XPO4: variants seen among roughly 807,000 people sequenced by gnomAD.
XPO4 encodes exportin-4.
XPO4 carries 39 observed loss-of-function variants against 143.0 expected under a neutral mutation model. The ratio of observed to expected loss-of-function variants is 0.27; its 90% CI spans 0.21 to 0.36. XPO4 has a LOEUF of 0.36. Ranked by LOEUF, XPO4 falls within the 10% of genes least tolerant of loss-of-function variation. The pLI is 1.00. For missense variants in XPO4, 907 were observed against 1,348.0 expected, an observed-to-expected ratio of 0.67 and a Z score of 5.12; for synonymous variants, 439 against 474.0, an observed-to-expected ratio of 0.93 and a Z score of 0.96.
At chr13:20,806,462 T>C (rs1250773854) in intron 13 of XPO4, among the ~76,000 whole-genome samples, 1 of 151,206 alleles carries the variant, frequency 6.6e-6, no homozygotes, top group Non-Finnish European at 1.5e-5. Flanking sequence ...CTGACATCTC[T>C]GCTTGCAACC....
At chr13:20,894,834 A>C (rs1233596978) in intron 1 of XPO4, among the ~76,000 whole-genome samples, 4 of 148,076 alleles carry the variant, frequency 2.7e-5, no homozygotes, top group African/African-American at 9.9e-5. Flanking sequence ...ACAAGAGTGA[A>C]ACTTCATCTC....
intron 9 of XPO4, among the ~76,000 whole-genome samples, chr13:20,811,297 T>A (rs2059578929): frequency 6.6e-6 from 1 of 150,968 alleles, no homozygotes; most frequent in South Asian, 2.1e-4. Flanking sequence ...TCTTTTTTTT[T>A]TTTTTTTTGA....
At chr13:20,880,004 A>G (rs2060391789) in intron 1 of XPO4, among the ~76,000 whole-genome samples, 1 of 152,258 alleles carries the variant, frequency 6.6e-6, no homozygotes, top group South Asian at 2.1e-4. Flanking sequence ...AATACAAATC[A>G]AAACTGCAAG....
chr13:20,783,515 G>A lies in XPO4; in HGVS notation c.*207C>T. On this transcript the variant is annotated 3_prime_UTR_variant, in exon 23 of 23. Coordinates refer to ENST00000255305, the MANE Select transcript of XPO4 (RefSeq NM_022459.5). ...TTCAGAATCTAAAAGACATATATAT[G>A]ACAGATTGTGGCTAACACTTAACAG... is the stretch of plus-strand genomic sequence containing the variant. 2 of 593,986 alleles carry A rather than the reference G, an allele frequency of 3.4e-6. No individual in the cohort carries two copies. The highest frequency in any genetic ancestry group is 2.1e-5 in the South Asian group (1 of 48,478). 36.8% of individuals were successfully genotyped at this position (593,986 alleles called of 1,614,324 possible). A position where few individuals can be genotyped will look rare whatever the true frequency, so the allele number is the denominator to read the frequency against.
At chr13:20,891,513 A>G (rs1024678243) in intron 1 of XPO4, among the ~76,000 whole-genome samples, 2 of 152,148 alleles carry the variant, frequency 1.3e-5, no homozygotes, top group African/African-American at 2.4e-5. Flanking sequence ...AAATCATTTT[A>G]TCTTTGCACT....
chr13:20,890,191 G>A (rs1390244867), intron 1 of XPO4, among the ~76,000 whole-genome samples: 21 of 152,144 alleles, frequency 1.4e-4, no homozygotes, highest in Admixed American at 9.8e-4. Flanking sequence ...GCTTATGCCC[G>A]TCATCCCAGC....
intron 6 of XPO4, among the ~76,000 whole-genome samples, chr13:20,841,692 A>G (rs1291636921): frequency 6.6e-6 from 1 of 152,092 alleles, no homozygotes; most frequent in Non-Finnish European, 1.5e-5. Context: ...GAATAGACTA[A>G]GTTTAAATGG....
intron 19 of XPO4, 58 bp from the exon 20 acceptor site, chr13:20,788,674 T>C: frequency 6.9e-7 from 1 of 1,446,964 alleles, no homozygotes; most frequent in Admixed American, 2.4e-5. Flanking sequence ...TCTATTTTCA[T>C]CAATGCAATA....
chr13:20,826,158 C>T (rs1257619324), intron 7 of XPO4, among the ~76,000 whole-genome samples: 1 of 152,202 alleles, frequency 6.6e-6, no homozygotes, highest in Admixed American at 6.5e-5. Context: ...TAAACACACA[C>T]ATATGAATTG....
At position 20,843,868 on chromosome 13, in the gene XPO4, T is replaced by C; in HGVS notation, c.475A>G (p.Ile159Val). 1 of 1,612,854 alleles carries C rather than the reference T, an allele frequency of 6.2e-7. No individual in the cohort carries two copies. The highest frequency in any genetic ancestry group is 8.5e-7 in the Non-Finnish European group (1 of 1,179,480). Residue 159 changes from isoleucine (I) to valine (V), a missense_variant, in exon 5 of 23, where the codon ATT (isoleucine) becomes GTT (valine). By Grantham distance (29) the Ile-to-Val change is conservative. Transcript: ENST00000255305. ...NPTVQTLACS[I>V]LTALLSEFSS... ...AATTCACTCAATAGCGCAGTCAGAA[T>C]AGAACAGGCCAGAGTTTGCTGTAAT...
At chr13:20,793,102 T>C (rs967738264) in intron 18 of XPO4, among the ~76,000 whole-genome samples, 2 of 152,232 alleles carry the variant, frequency 1.3e-5, no homozygotes, top group Admixed American at 1.3e-4. Context: ...GTTATGCTTT[T>C]AATATCTCAC....
intron 13 of XPO4, among the ~76,000 whole-genome samples, chr13:20,802,011 T>A (rs1174879710): frequency 2.0e-5 from 3 of 152,150 alleles, no homozygotes; most frequent in African/African-American, 7.2e-5. Flanking sequence ...CTCCTGAACT[T>A]CTTCTTTAAA....
rs955068619 is a variant in XPO4 at position 20,851,333 on chromosome 13, C to T, written c.456+4294G>A. The T allele has an allele frequency of 4.1e-6, 4 of 985,332 alleles. No homozygotes were observed. The South Asian group carries it at 1.9e-4, about 46-fold the overall frequency. The allele number at this position is 985,332 out of a possible 1,614,324, so 61.0% of individuals were successfully genotyped here. The stretch of plus-strand genomic sequence containing the variant: ...TTAATGTAGTCACCAAAATAAATTT[C>T]ATCCTGCAATCCTGAAATTAAATTC... On this transcript the variant is annotated intron_variant, in intron 4 of 22. Transcript: ENST00000255305.
intron 6 of XPO4, among the ~76,000 whole-genome samples, chr13:20,838,656 C>T (rs914321330): frequency 7.3e-5 from 11 of 149,888 alleles, no homozygotes; most frequent in Non-Finnish European, 1.5e-4. Context: ...TGGTCTTGTT[C>T]TGTTGCCCAG....
chr13:20,873,863 T>C (rs1008028281), intron 1 of XPO4, among the ~76,000 whole-genome samples: 6 of 152,218 alleles, frequency 3.9e-5, no homozygotes, highest in Non-Finnish European at 8.8e-5. Context: ...TGTAACTTTT[T>C]TACTACTATT....
Position 20,800,206 on chromosome 13 carries a change from A to G in XPO4, c.2097T>C (p.Leu699=), listed in dbSNP as rs748366207. 16 of 1,614,042 alleles carry G rather than the reference A, an allele frequency of 9.9e-6. No homozygotes were observed. The highest frequency in any genetic ancestry group is 8.3e-5 in the Admixed American group (5 of 59,994). ...CAAGGAGCTGCACAGTGTCATTTGC[A>G]AGGTCCTGCTCACTACTCCAGACTG... ...NLSVWSSEQD[L]ANDTVQLLVT... The change falls in exon 15 of 23, where the codon CTT becomes CTC. Residue 699 remains leucine, a synonymous_variant. Transcript: ENST00000255305.
chr13:20,874,985 C>T (rs180721579), intron 1 of XPO4, among the ~76,000 whole-genome samples: 272 of 137,212 alleles, frequency 2.0e-3, no homozygotes, highest in African/African-American at 5.9e-3. Context: ...CAAAGTGAGA[C>T]TCCGTCTCAA....
chr13:20,875,011 C>A (rs2060338372), intron 1 of XPO4, among the ~76,000 whole-genome samples: 1 of 151,858 alleles, frequency 6.6e-6, no homozygotes, highest in South Asian at 2.1e-4. Context: ...AAATTCTGTT[C>A]TTTATAAATT....
Position 20,779,973 on chromosome 13 carries a change from A to G in XPO4, c.*3749T>C, listed in dbSNP as rs928418316. The G allele has an allele frequency of 2.0e-5, 3 of 152,276 alleles. No individual in the cohort carries two copies. The highest frequency in any genetic ancestry group is 6.5e-5 in the Admixed American group (1 of 15,290). The allele number at this position is 152,276 out of a possible 1,614,324, so 9.4% of individuals were successfully genotyped here. ...TTCTTAAATGCAGTGTTTTCAGAAC[A>G]TAGTTACCAAGTCAGAGAATAACCA... On this transcript the variant is annotated 3_prime_UTR_variant, in exon 23 of 23. Coordinates refer to ENST00000255305, the MANE Select transcript of XPO4 (RefSeq NM_022459.5).
Sources: gnomAD v4.1 joint callset for allele counts (sites outside exome capture counted in the v4.1 genomes callset) on GRCh38, gnomAD v4.1.1 for gene constraint, MANE v1.5 for transcripts, NCBI Gene and HGNC (gene_info 2026-07-23, HGNC 2026-07-21) for gene names.